ANO3: variants seen among roughly 807,000 people sequenced by gnomAD.
ANO3 encodes the protein anoctamin-3.
Under a neutral mutation model 144.8 loss-of-function variants are expected in ANO3, and 99 were observed. The observed-to-expected ratio is 0.68, with a 90% CI of 0.58 to 0.81. ANO3 has a LOEUF of 0.81. ANO3 is among the 30% of genes least tolerant of loss of function. The pLI, the probability that ANO3 is intolerant of heterozygous loss-of-function variation, is 0.00. For synonymous variants in ANO3, 414 were observed against 392.6 expected (o/e 1.05, Z -0.64); for missense variants, 905 against 1,202.2 (o/e 0.75, Z 3.66).
chr11:26,504,943 C>T (rs1235217989), intron 4 of ANO3, among the ~76,000 whole-genome samples: 4 of 130,052 alleles, frequency 3.1e-5, no homozygotes, highest in Admixed American at 9.4e-5. Context: ...ACCCTGGAGG[C>T]GGAGCTTGCA....
intron 21 of ANO3, among the ~76,000 whole-genome samples, chr11:26,639,948 A>G (rs1047997754): frequency 3.3e-5 from 5 of 152,192 alleles, no homozygotes; most frequent in Non-Finnish European, 7.3e-5. Context: ...TTTCCTGACT[A>G]TTGGGGAAGA....
intron 1 of ANO3, among the ~76,000 whole-genome samples, chr11:26,249,168 G>T (rs924962448): frequency 6.6e-6 from 1 of 152,104 alleles, no homozygotes; most frequent in Admixed American, 6.6e-5. Flanking sequence ...TGATTGCCTG[G>T]CTTTGCCGTT....
chr11:26,504,345 T>C (rs1016933917), intron 4 of ANO3, among the ~76,000 whole-genome samples: 6 of 152,106 alleles, frequency 3.9e-5, no homozygotes, highest in African/African-American at 1.4e-4. Flanking sequence ...CTTCCTTTCT[T>C]CCTTCTCTTC....
chr11:26,255,233 T>A (rs1358363215), intron 1 of ANO3, among the ~76,000 whole-genome samples: 1 of 152,202 alleles, frequency 6.6e-6, no homozygotes, highest in Non-Finnish European at 1.5e-5. Flanking sequence ...ATTTTTTCTT[T>A]CTAATTTCAC....
At chr11:26,386,621 A>T (rs1453866429) in intron 1 of ANO3, among the ~76,000 whole-genome samples, 1 of 152,162 alleles carries the variant, frequency 6.6e-6, no homozygotes, top group Non-Finnish European at 1.5e-5. Context: ...AGAATACAAC[A>T]TTATTTCTGT....
At chr11:26,604,923 A>G (rs1851895272) in intron 17 of ANO3, among the ~76,000 whole-genome samples, 3 of 152,116 alleles carry the variant, frequency 2.0e-5, no homozygotes, top group Admixed American at 6.6e-5. Flanking sequence ...GTTTTGCCTG[A>G]TCGCCCTGCC....
chr11:26,469,270 T>C (rs1859697699), intron 4 of ANO3, among the ~76,000 whole-genome samples: 2 of 151,924 alleles, frequency 1.3e-5, no homozygotes, highest in African/African-American at 4.8e-5. Context: ...TACAAGAGTT[T>C]TCAGAGTTGC....
intron 1 of ANO3, among the ~76,000 whole-genome samples, chr11:26,398,713 A>G (rs1451375878): frequency 1.3e-5 from 2 of 152,082 alleles, no homozygotes; most frequent in African/African-American, 4.8e-5. Flanking sequence ...GCAGAGACAG[A>G]ACTTCCTCGT....
chr11:26,595,656 T>C (rs1851603425), intron 14 of ANO3, among the ~76,000 whole-genome samples: 1 of 152,048 alleles, frequency 6.6e-6, no homozygotes, highest in Non-Finnish European at 1.5e-5. Context: ...TCTGTCGTCC[T>C]GAAGGGAGTT....
chr11:26,585,388 A>C (rs1398746149), intron 14 of ANO3, among the ~76,000 whole-genome samples: 1 of 152,054 alleles, frequency 6.6e-6, no homozygotes, highest in Non-Finnish European at 1.5e-5. Context: ...ATTCTTTATA[A>C]ATTTAATGAC....
intron 1 of ANO3, among the ~76,000 whole-genome samples, chr11:26,372,925 T>C (rs867692869): frequency 1.5e-4 from 23 of 152,226 alleles, no homozygotes; most frequent in Admixed American, 2.6e-4. Flanking sequence ...GCAGTATGTT[T>C]GTTATAGATT....
At position 26,564,732 on chromosome 11, in the gene ANO3, C is replaced by CAT. The variant is rs66510170; in HGVS notation, c.1447+5005_1447+5006dup. ...ACACACACACACACACACACACACA[C>CAT]ATATATATATATATATATATATATA... On this transcript the variant is annotated intron_variant, in intron 14 of 26. Coordinates refer to ENST00000256737, the MANE Select transcript of ANO3 (RefSeq NM_031418.4). Among the ~76,000 whole-genome samples, 30 of 25,410 alleles carry CAT rather than the reference C, an allele frequency of 1.2e-3. 1 individual carries two copies. Among genetic ancestry groups the CAT allele is most frequent in the East Asian group, 4.9e-3 (2 of 410 alleles). The allele number at this position is 25,410 out of a possible 152,430, so 16.7% of individuals were successfully genotyped here.
intron 12 of ANO3, among the ~76,000 whole-genome samples, chr11:26,548,993 G>A (rs1849861304): frequency 6.6e-6 from 1 of 151,524 alleles, no homozygotes; most frequent in Middle Eastern, 3.2e-3. Context: ...TTAAAATATG[G>A]GAAATGATTC....
rs552590723 is a variant in ANO3 at position 26,408,009 on chromosome 11, C to A, written c.47-33909C>A. On this transcript the variant is annotated intron_variant, in intron 1 of 26. Transcript: ENST00000256737. ...TAAAGACTTACATGTTAGACCTAAA[C>A]CCATAAAAACCCTAGAAGAAAACCT... 2.4e-3 allele frequency among the ~76,000 whole-genome samples: 362 copies of A among 151,924 alleles called. 1 individual carries two copies. The highest frequency in any genetic ancestry group is 0.01 in the Middle Eastern group (3 of 294).
intron 26 of ANO3, among the ~76,000 whole-genome samples, 183 bp downstream of exon 26, chr11:26,656,664 G>A (rs533574691): frequency 6.6e-6 from 1 of 152,120 alleles, no homozygotes; most frequent in Non-Finnish European, 1.5e-5. Flanking sequence ...AATAATGTAA[G>A]AGTGTACATT....
intron 1 of ANO3, among the ~76,000 whole-genome samples, chr11:26,424,857 G>A (rs1171287569): frequency 1.3e-5 from 2 of 151,664 alleles, no homozygotes; most frequent in African/African-American, 4.9e-5. Flanking sequence ...AATCTTGGGG[G>A]AATTCCTCTT....
chr11:26,378,845 G>A (rs1856493145), intron 1 of ANO3, among the ~76,000 whole-genome samples: 1 of 151,882 alleles, frequency 6.6e-6, no homozygotes. Flanking sequence ...AGCATATGAT[G>A]TAAGGTGCTT....
At chr11:26,318,074 C>A (rs542326889) in intron 1 of ANO3, among the ~76,000 whole-genome samples, 4 of 152,148 alleles carry the variant, frequency 2.6e-5, no homozygotes, top group Admixed American at 2.0e-4. Flanking sequence ...CACATGGACA[C>A]AGGGAGGGGA....
At chr11:26,540,766 G>A (rs1223707054) in intron 10 of ANO3, among the ~76,000 whole-genome samples, 2 of 152,176 alleles carry the variant, frequency 1.3e-5, no homozygotes, top group Non-Finnish European at 2.9e-5. Flanking sequence ...ATGCTAGTTA[G>A]AATGGCTATC....
Sources: gnomAD v4.1 joint callset for allele counts (sites outside exome capture counted in the v4.1 genomes callset) on GRCh38, gnomAD v4.1.1 for gene constraint, MANE v1.5 for transcripts, NCBI Gene and HGNC (gene_info 2026-07-23, HGNC 2026-07-21) for gene names.